The following RNF125 variants were observed in gnomAD, a reference collection of about 807,000 sequenced individuals.
RNF125 encodes ring finger protein 125.
In RNF125, 21 loss-of-function variants were observed where a neutral mutation model predicts 26.0. That is an observed-to-expected ratio of 0.81 (90% CI 0.57 to 1.16). RNF125 has a LOEUF of 1.16. Among genes scored for constraint, RNF125 ranks in the 50% most tolerant of loss-of-function variants. The pLI is 0.00. For missense variants in RNF125, 270 were observed against 299.4 expected, an observed-to-expected ratio of 0.90 and a Z score of 0.72; for synonymous variants, 95 against 109.2, an observed-to-expected ratio of 0.87 and a Z score of 0.81.
At chr18:32,019,109 G>A in intron 1 of RNF125, 82 bp downstream of exon 1, 1 of 1,529,134 alleles carries the variant, frequency 6.5e-7, no homozygotes, top group Non-Finnish European at 8.9e-7. Flanking sequence ...TGGGGAAGGA[G>A]GGGGACGGAA....
the RNF125 span, among the ~76,000 whole-genome samples, chr18:32,080,239 G>A: frequency 2.6e-5 from 4 of 152,274 alleles, no homozygotes; most frequent in African/African-American, 9.6e-5. Flanking sequence ...ATGTTGGCCA[G>A]GCTGGTCTCA....
chr18:32,076,316 G>GT (rs923695665), downstream of RNF125: 21 of 286,186 alleles, frequency 7.3e-5, no homozygotes, highest in African/African-American at 3.4e-4. Flanking sequence ...TTTTTTGGTT[G>GT]TTTTTTTGTT....
intron 4 of RNF125, among the ~76,000 whole-genome samples, chr18:32,058,224 A>G (rs1434770765): frequency 1.3e-5 from 2 of 152,034 alleles, no homozygotes; most frequent in East Asian, 1.9e-4. Context: ...GTAGGTGTAT[A>G]TATTTATGGG....
intron 1 of RNF125, among the ~76,000 whole-genome samples, chr18:32,023,010 T>A (rs539806491): frequency 1.3e-5 from 2 of 152,212 alleles, no homozygotes; most frequent in Non-Finnish European, 2.9e-5. Flanking sequence ...AGCGGTGAGA[T>A]CTCACTCTGC....
chr18:32,037,519 C>A (rs1021602108), intron 2 of RNF125, among the ~76,000 whole-genome samples: 6 of 151,686 alleles, frequency 4.0e-5, no homozygotes, highest in Non-Finnish European at 7.4e-5. Context: ...TCTACAGGCA[C>A]CTGCCATCAC....
At chr18:32,031,881 C>A (rs1291518604) in intron 1 of RNF125, among the ~76,000 whole-genome samples, 1 of 151,994 alleles carries the variant, frequency 6.6e-6, no homozygotes, top group African/African-American at 2.4e-5. Context: ...AGCTTAAGAC[C>A]AACCAAGTTC....
chr18:32,074,883 G>T (rs2039559487), downstream of RNF125, among the ~76,000 whole-genome samples: 2 of 151,976 alleles, frequency 1.3e-5, no homozygotes, highest in Non-Finnish European at 2.9e-5. Flanking sequence ...TTAAAGTTTG[G>T]GATTATTTTA....
At chr18:32,079,287 G>T in the RNF125 span, among the ~76,000 whole-genome samples, 117 of 152,236 alleles carry the variant, frequency 7.7e-4, 1 homozygote, top group Middle Eastern at 6.8e-3. Context: ...CTCCTCTGAG[G>T]GTTCCACTCT....
intron 1 of RNF125, among the ~76,000 whole-genome samples, chr18:32,028,161 G>A (rs2040019669): frequency 6.6e-6 from 1 of 151,770 alleles, no homozygotes; most frequent in Non-Finnish European, 1.5e-5. Flanking sequence ...AGCCGGGCAT[G>A]GTGGCGGGTG....
Position 32,023,725 on chromosome 18 carries a change from G to C in RNF125, c.164+4698G>C, listed in dbSNP as rs142472209. 1.4e-3 allele frequency among the ~76,000 whole-genome samples: 206 copies of C among 152,276 alleles called. 4 individuals are homozygous for C. Among genetic ancestry groups the C allele is most frequent in the African/African-American group, 4.7e-3 (197 of 41,566 alleles). ...AATAGGAATACTCAAAACCCAGTTTGTGAATCCAAAGAGAAAAAGGTAAAT... is the reference window on the plus strand; with the variant it reads ...AATAGGAATACTCAAAACCCAGTTTCTGAATCCAAAGAGAAAAAGGTAAAT... On this transcript the variant is annotated intron_variant, in intron 1 of 5. Coordinates refer to ENST00000217740, the MANE Select transcript of RNF125 (RefSeq NM_017831.4).
At chr18:32,050,734 A>G (rs1420421074) in intron 4 of RNF125, among the ~76,000 whole-genome samples, 1 of 152,016 alleles carries the variant, frequency 6.6e-6, no homozygotes, top group Non-Finnish European at 1.5e-5. Flanking sequence ...TTATGAGACC[A>G]CTTTTTTTCT....
chr18:32,045,681 C>T lies in RNF125; in HGVS notation c.453C>T (p.Asp151=). ...CPFCQRELYE[D]SLLDHCITHH... ...TTTGTCAGAGGGAACTGTATGAAGA[C>T]AGCTTGCTGGATCATTGTATTACTC... The change falls in exon 4 of 6, where the codon GAC becomes GAT. Residue 151 remains aspartate (D), a synonymous_variant. Coordinates refer to ENST00000217740, the MANE Select transcript of RNF125 (RefSeq NM_017831.4). 1 of 1,612,490 alleles carries T rather than the reference C, an allele frequency of 6.2e-7. No homozygotes were observed. The highest frequency in any genetic ancestry group is 1.3e-5 in the African/African-American group (1 of 74,586).
At chr18:32,063,963 T>C (rs943155357) in intron 4 of RNF125, among the ~76,000 whole-genome samples, 1 of 151,712 alleles carries the variant, frequency 6.6e-6, no homozygotes, top group African/African-American at 2.4e-5. Context: ...CAGAATGGTC[T>C]GTATCTTTTT....
intron 1 of RNF125, among the ~76,000 whole-genome samples, chr18:32,025,980 G>C (rs1361009982): frequency 6.6e-6 from 1 of 151,778 alleles, no homozygotes; most frequent in Non-Finnish European, 1.5e-5. Flanking sequence ...GTTCCCAAGG[G>C]AGAAACAGGA....
intron 2 of RNF125, among the ~76,000 whole-genome samples, chr18:32,040,452 A>G (rs2039206263): frequency 6.6e-6 from 1 of 151,512 alleles, no homozygotes; most frequent in South Asian, 2.1e-4. Flanking sequence ...TTGTATCTTT[A>G]GTAGAGAGGG....
downstream of RNF125, among the ~76,000 whole-genome samples, chr18:32,075,289 G>A (rs1278860132): frequency 6.6e-6 from 1 of 152,152 alleles, no homozygotes; most frequent in Non-Finnish European, 1.5e-5. Context: ...CAGTTGTGGT[G>A]GCTCACGCCT....
chr18:32,039,777 CTTT>C (rs1337442183), intron 2 of RNF125, among the ~76,000 whole-genome samples: 1 of 123,408 alleles, frequency 8.1e-6, no homozygotes, highest in Non-Finnish European at 1.6e-5. Flanking sequence ...CTTTGAGATA[CTTT>C]TTTTTTTTTT....
intron 1 of RNF125, among the ~76,000 whole-genome samples, chr18:32,027,881 G>A (rs932620045): frequency 6.6e-6 from 1 of 151,980 alleles, no homozygotes; most frequent in Non-Finnish European, 1.5e-5. Context: ...TATACTTGAG[G>A]TTACAGAAGA....
At chr18:32,045,484 G>A (rs565064956) in intron 3 of RNF125, among the ~76,000 whole-genome samples, 158 bp from the exon 4 acceptor site, 9 of 150,496 alleles carry the variant, frequency 6.0e-5, no homozygotes, top group East Asian at 3.9e-4. Flanking sequence ...CCTTGAACCC[G>A]GGAGGTGGGG....
Sources: gnomAD v4.1 joint callset for allele counts (sites outside exome capture counted in the v4.1 genomes callset) on GRCh38, gnomAD v4.1.1 for gene constraint, MANE v1.5 for transcripts, NCBI Gene and HGNC (gene_info 2026-07-23, HGNC 2026-07-21) for gene names.